NTRK3: variants seen among roughly 807,000 people sequenced by gnomAD.
NTRK3 encodes the protein NT-3 growth factor receptor.
Under a neutral mutation model 91.7 loss-of-function variants are expected in NTRK3, and 24 were observed. The ratio of observed to expected loss-of-function variants is 0.26; its 90% confidence interval spans 0.19 to 0.37. NTRK3 has a LOEUF of 0.37. Among genes scored for constraint, NTRK3 ranks in the 10% least tolerant of loss-of-function variants. The pLI is 1.00. For synonymous variants in NTRK3, 483 were observed against 404.0 expected (o/e 1.20, Z -2.34); for missense variants, 880 against 1,068.9 (o/e 0.82, Z 2.46).
intron 13 of NTRK3, among the ~76,000 whole-genome samples, chr15:88,112,688 GC>G (rs2051547442): frequency 6.6e-6 from 1 of 152,186 alleles, no homozygotes; most frequent in African/African-American, 2.4e-5. Flanking sequence ...CAGGAGCCTG[GC>G]TCTAAGGGCT....
chr15:88,008,928 C>T (rs540201309), intron 14 of NTRK3, among the ~76,000 whole-genome samples: 25 of 152,296 alleles, frequency 1.6e-4, no homozygotes, highest in African/African-American at 6.0e-4. Context: ...ACAGACCAGC[C>T]CCCCTCGGGC....
chr15:88,131,293 C>T (rs554207218), intron 10 of NTRK3, among the ~76,000 whole-genome samples: 1 of 152,176 alleles, frequency 6.6e-6, no homozygotes, highest in Non-Finnish European at 1.5e-5. Flanking sequence ...CATTGCGGGC[C>T]CTCACAGTCT....
At position 88,164,374 on chromosome 15, in the gene NTRK3, T is replaced by G. The variant is rs1013050129; in HGVS notation, c.396-16971A>C. On this transcript the variant is annotated intron_variant, in intron 5 of 18. Coordinates refer to ENST00000394480, the Ensembl canonical transcript of NTRK3. ...AAGAAAGGCCAGCTGCAGATACAAG[T>G]GACACTGGAGAACAATCTTCAGAAT... Among the ~76,000 whole-genome samples the G allele has an allele frequency of 3.3e-5, 5 of 152,216 alleles. No homozygotes were observed. In the East Asian group the frequency reaches 9.6e-4, roughly 29 times the overall value.
chr15:88,162,898 T>C (rs1213782529), intron 5 of NTRK3, among the ~76,000 whole-genome samples: 2 of 152,148 alleles, frequency 1.3e-5, no homozygotes, highest in Non-Finnish European at 2.9e-5. Flanking sequence ...TCTAGGTCTG[T>C]ACATGAGCAG....
At chr15:88,070,773 T>C (rs2047027433) in intron 13 of NTRK3, among the ~76,000 whole-genome samples, 1 of 152,108 alleles carries the variant, frequency 6.6e-6, no homozygotes, top group South Asian at 2.1e-4. Flanking sequence ...AAAATGTTTC[T>C]TCTTGTCTTG....
At chr15:87,989,452 A>G (rs2075112254) in intron 14 of NTRK3, among the ~76,000 whole-genome samples, 1 of 146,172 alleles carries the variant, frequency 6.8e-6, no homozygotes, top group African/African-American at 2.5e-5. Flanking sequence ...GAATCGAACA[A>G]TGAGAACACT....
intron 17 of NTRK3, chr15:87,927,406 C>G (rs1441022433): frequency 6.6e-6 from 1 of 152,250 alleles, no homozygotes; most frequent in Non-Finnish European, 1.5e-5. Flanking sequence ...CAAGATAGAA[C>G]TGACCTGCAC....
At chr15:87,994,481 A>C (rs1407513690) in intron 14 of NTRK3, among the ~76,000 whole-genome samples, 3 of 152,206 alleles carry the variant, frequency 2.0e-5, no homozygotes, top group African/African-American at 7.2e-5. Flanking sequence ...CAAATGTCCA[A>C]AATTGCCAGC....
chr15:87,907,326 T>C (rs918871953), intron 17 of NTRK3, among the ~76,000 whole-genome samples: 3 of 152,158 alleles, frequency 2.0e-5, no homozygotes, highest in Non-Finnish European at 4.4e-5. Flanking sequence ...ACCCTAGCTA[T>C]ACACACTTGT....
chr15:88,106,232 G>C (rs886126970), intron 13 of NTRK3, among the ~76,000 whole-genome samples: 2 of 152,232 alleles, frequency 1.3e-5, no homozygotes, highest in African/African-American at 4.8e-5. Context: ...GACAAGGTTG[G>C]CTTGGCTTCT....
At chr15:87,969,542 T>C (rs1226892827) in intron 14 of NTRK3, among the ~76,000 whole-genome samples, 1 of 152,180 alleles carries the variant, frequency 6.6e-6, no homozygotes, top group Non-Finnish European at 1.5e-5. Context: ...CCATAAACTA[T>C]CATGTGAAGC....
chr15:88,041,952 A>G (rs973447921), intron 13 of NTRK3, among the ~76,000 whole-genome samples: 1 of 152,014 alleles, frequency 6.6e-6, no homozygotes, highest in African/African-American at 2.4e-5. Context: ...CCACAGAGTC[A>G]GATCATGACC....
chr15:87,860,979 A>G (rs1311091439), exon 19 of NTRK3: 1 of 224,826 alleles, frequency 4.4e-6, no homozygotes, highest in African/African-American at 2.2e-5. Flanking sequence ...ACTTTCCTTA[A>G]TTCAAGCCAC....
At chr15:88,183,012 A>ACTCCCCCCCCCCCCCC (rs749216536) in intron 5 of NTRK3, among the ~76,000 whole-genome samples, 3 of 119,880 alleles carry the variant, frequency 2.5e-5, no homozygotes, top group African/African-American at 6.1e-5. Context: ...TCTTCTTGCA[A>ACTCCCCCCCCCCCCCC]CCCCCCCCCG....
intron 17 of NTRK3, among the ~76,000 whole-genome samples, chr15:87,911,496 C>A (rs1288610040): frequency 2.0e-5 from 3 of 152,206 alleles, no homozygotes. Flanking sequence ...AACCCACTAT[C>A]TTGTAGGACG....
chr15:87,937,807 A>G (rs914979017), intron 15 of NTRK3, among the ~76,000 whole-genome samples: 2 of 152,174 alleles, frequency 1.3e-5, no homozygotes, highest in Non-Finnish European at 2.9e-5. Context: ...CAAAATTAAG[A>G]ACCGATTAGA....
chr15:88,014,548 T>C (rs753999715), intron 14 of NTRK3, among the ~76,000 whole-genome samples: 1 of 152,234 alleles, frequency 6.6e-6, no homozygotes, highest in Non-Finnish European at 1.5e-5. Flanking sequence ...CCAACTCCTA[T>C]TGCTGGAATA....
exon 19 of NTRK3, chr15:87,862,400 G>A (rs755721485): frequency 4.8e-5 from 11 of 227,030 alleles, no homozygotes; most frequent in Non-Finnish European, 8.8e-5. Flanking sequence ...TAAGCAACAT[G>A]GAAAGGGAAT....
At chr15:88,087,409 G>GC (rs2048601441) in intron 13 of NTRK3, among the ~76,000 whole-genome samples, 1 of 152,156 alleles carries the variant, frequency 6.6e-6, no homozygotes, top group South Asian at 2.1e-4. Context: ...CCCCCACTGT[G>GC]CCCCTCTTGC....
Sources: gnomAD v4.1 joint callset for allele counts (sites outside exome capture counted in the v4.1 genomes callset) on GRCh38, gnomAD v4.1.1 for gene constraint, MANE v1.5 for transcripts, NCBI Gene and HGNC (gene_info 2026-07-23, HGNC 2026-07-21) for gene names.